The following NCOA3 variants were observed in gnomAD, a reference collection of about 807,000 sequenced individuals.
NCOA3 encodes the protein CBP-interacting protein.
NCOA3 carries 51 observed loss-of-function variants against 158.8 expected under a neutral mutation model. That is an observed-to-expected ratio of 0.32 (90% CI 0.26 to 0.41). NCOA3 has a LOEUF of 0.41. Ranked by LOEUF, NCOA3 falls within the 10% of genes least tolerant of loss-of-function variation. The pLI, the probability that NCOA3 is intolerant of heterozygous loss-of-function variation, is 1.00. For synonymous variants in NCOA3, 537 were observed against 592.4 expected, an observed-to-expected ratio of 0.91 and a Z score of 1.36; for missense variants, 1,510 against 1,746.6, an observed-to-expected ratio of 0.86 and a Z score of 2.41.
intron 1 of NCOA3, among the ~76,000 whole-genome samples, chr20:47,517,719 G>A (rs1569313988): frequency 1.3e-5 from 2 of 151,972 alleles, no homozygotes; most frequent in Non-Finnish European, 2.9e-5. Flanking sequence ...CCAAAGTGCT[G>A]AGATTACAGG....
At position 47,524,217 on chromosome 20, in the gene NCOA3, TAG is replaced by T. The variant is rs142276068; in HGVS notation, c.-99+22210_-99+22211del. Among the ~76,000 whole-genome samples the T allele has an allele frequency of 8.3e-4, 126 of 152,022 alleles. No individual in the cohort carries two copies. The East Asian group carries it at 0.02, about 25-fold the overall frequency. Reference sequence around the variant, plus strand: ...GGAATACCATGTGTTTGCCAGAATGTAGAGAGAGAGAGACATTTATTGAATTA... The same window carrying T: ...GGAATACCATGTGTTTGCCAGAATGTAGAGAGAGAGACATTTATTGAATTA... On this transcript the variant is annotated intron_variant, in intron 1 of 22. Coordinates refer to ENST00000371998, the MANE Select transcript of NCOA3 (RefSeq NM_181659.3).
intron 1 of NCOA3, among the ~76,000 whole-genome samples, chr20:47,528,184 T>C (rs1481327577): frequency 6.6e-6 from 1 of 152,170 alleles, no homozygotes; most frequent in Non-Finnish European, 1.5e-5. Context: ...ATAACAGTTA[T>C]GCTAACATAT....
chr20:47,653,110 T>C, intron 22 of NCOA3, 38 bp downstream of exon 22: 2 of 1,610,314 alleles, frequency 1.2e-6, no homozygotes, highest in Non-Finnish European at 1.7e-6. Flanking sequence ...AAAAAGTTTT[T>C]CTTGTTCTCT....
chr20:47,590,502 A>C lies in NCOA3; in HGVS notation c.-20+7241A>C, dbSNP rs563651329. Among the ~76,000 whole-genome samples, 19 of 152,282 alleles carry C rather than the reference A, an allele frequency of 1.2e-4. No individual in the cohort carries two copies. The South Asian group carries it at 3.9e-3, about 32-fold the overall frequency. ...TCAAATGCCATTTAAAAATTTTCCT[A>C]CAAAAGCATAATATATTAAATTGTG... is the stretch of plus-strand genomic sequence containing the variant. On this transcript the variant is annotated intron_variant, in intron 2 of 22. Coordinates refer to ENST00000371998, the MANE Select transcript of NCOA3 (RefSeq NM_181659.3).
At chr20:47,626,408 T>C (rs1415944266) in intron 5 of NCOA3, among the ~76,000 whole-genome samples, 1 of 152,218 alleles carries the variant, frequency 6.6e-6, no homozygotes, top group Non-Finnish European at 1.5e-5. Context: ...CCTTTAAAGA[T>C]ATAATTCTTT....
At chr20:47,638,298 T>C (rs1466736052) in intron 13 of NCOA3, among the ~76,000 whole-genome samples, 1 of 152,204 alleles carries the variant, frequency 6.6e-6, no homozygotes, top group Non-Finnish European at 1.5e-5. Flanking sequence ...TGGTCCCAGC[T>C]ACTCGGGAGG....
At chr20:47,539,566 G>A (rs1191831557) in intron 1 of NCOA3, among the ~76,000 whole-genome samples, 1 of 152,100 alleles carries the variant, frequency 6.6e-6, no homozygotes, top group East Asian at 1.9e-4. Context: ...GGATTTGGTG[G>A]TTTTTCCATT....
At chr20:47,651,339 T>C in intron 20 of NCOA3, 63 bp downstream of exon 20, 3 of 1,534,382 alleles carry the variant, frequency 2.0e-6, no homozygotes, top group Non-Finnish European at 2.6e-6. Context: ...TAAGCTTCAT[T>C]ACATTTATTG....
chr20:47,528,744 A>C (rs978737798), intron 1 of NCOA3, among the ~76,000 whole-genome samples: 1 of 152,192 alleles, frequency 6.6e-6, no homozygotes, highest in Non-Finnish European at 1.5e-5. Context: ...TTGTAACACT[A>C]TATTACCTAA....
chr20:47,585,414 G>C (rs1458412534), intron 2 of NCOA3, among the ~76,000 whole-genome samples: 1 of 152,122 alleles, frequency 6.6e-6, no homozygotes, highest in African/African-American at 2.4e-5. Flanking sequence ...TAGTTGCCGA[G>C]AAAACAATCA....
chr20:47,601,499 T>C (rs1304107581), intron 2 of NCOA3, among the ~76,000 whole-genome samples: 1 of 152,238 alleles, frequency 6.6e-6, no homozygotes, highest in African/African-American at 2.4e-5. Flanking sequence ...TACTTAATTT[T>C]GTAACTTAAT....
Position 47,619,953 on chromosome 20 carries a change from G to A in NCOA3, c.-19-2276G>A, listed in dbSNP as rs527545699. On this transcript the variant is annotated intron_variant, in intron 2 of 22. Transcript: ENST00000371998. ...TGGGACTACAGGCGCCTGCCACCAC[G>A]CCCAGCTAATTTTTGTATTTTTAGT... Among the ~76,000 whole-genome samples, 48 of 151,788 alleles carry A rather than the reference G, an allele frequency of 3.2e-4. 1 individual carries two copies. In the East Asian group the frequency reaches 8.1e-3, roughly 26 times the overall value.
intron 2 of NCOA3, among the ~76,000 whole-genome samples, chr20:47,611,781 G>T (rs2086048287): frequency 6.6e-6 from 1 of 151,888 alleles, no homozygotes; most frequent in African/African-American, 2.4e-5. Context: ...GACAGAGCGA[G>T]ACTCCATCTC....
chr20:47,522,716 T>C (rs1416187039), intron 1 of NCOA3, among the ~76,000 whole-genome samples: 2 of 151,852 alleles, frequency 1.3e-5, no homozygotes, highest in Non-Finnish European at 2.9e-5. Flanking sequence ...TCTACACACG[T>C]GGGGATATGT....
intron 1 of NCOA3, among the ~76,000 whole-genome samples, chr20:47,561,276 A>ATT (rs35951835): frequency 9.7e-5 from 12 of 123,874 alleles, no homozygotes; most frequent in Middle Eastern, 4.6e-3. Flanking sequence ...GGACTGGCCA[A>ATT]TTTTTTTTTT....
chr20:47,603,457 GCC>G (rs2085896084), intron 2 of NCOA3, among the ~76,000 whole-genome samples: 1 of 152,236 alleles, frequency 6.6e-6, no homozygotes, highest in African/African-American at 2.4e-5. Flanking sequence ...AACTCCCCAA[GCC>G]CAAGTAGGCA....
At chr20:47,576,245 G>T (rs2085370331) in intron 1 of NCOA3, among the ~76,000 whole-genome samples, 1 of 152,140 alleles carries the variant, frequency 6.6e-6, no homozygotes, top group African/African-American at 2.4e-5. Flanking sequence ...GGGAAACTAT[G>T]CAAATAAAAA....
intron 8 of NCOA3, among the ~76,000 whole-genome samples, chr20:47,631,675 A>G (rs908925421): frequency 2.6e-5 from 4 of 152,228 alleles, no homozygotes; most frequent in African/African-American, 9.6e-5. Flanking sequence ...AGATGCAAAT[A>G]ATTGTCCCTG....
chr20:47,640,294 A>C (rs1158030401), intron 16 of NCOA3, among the ~76,000 whole-genome samples: 1 of 152,226 alleles, frequency 6.6e-6, no homozygotes, highest in Non-Finnish European at 1.5e-5. Context: ...AGGGCCATTC[A>C]GTGGCCAAAC....
Sources: allele counts gnomAD v4.1 joint callset (sites outside exome capture counted in the v4.1 genomes callset), GRCh38; gene constraint gnomAD v4.1.1; transcripts MANE v1.5; gene names NCBI Gene and HGNC (gene_info 2026-07-23, HGNC 2026-07-21).